The following SEMA5A variants were observed in gnomAD, a reference collection of about 807,000 sequenced individuals.
SEMA5A encodes semaphorin-5A.
A neutral mutation model predicts 135.5 loss-of-function variants in SEMA5A; 55 were observed. The ratio of observed to expected loss-of-function variants is 0.41; its 90% CI spans 0.33 to 0.51. The LOEUF (loss-of-function observed/expected upper bound fraction) is 0.51. SEMA5A is among the 20% of genes least tolerant of loss of function. The probability of loss-of-function intolerance (pLI) is 0.37; values close to 1 mark genes in which losing one functional copy is unlikely to be tolerated. For missense variants in SEMA5A, 1,290 were observed against 1,419.9 expected, an observed-to-expected ratio of 0.91 and a Z score of 1.47; for synonymous variants, 580 against 546.5, an observed-to-expected ratio of 1.06 and a Z score of -0.85.
rs138276066 is a variant in SEMA5A, at chr5:9,063,701, C to T, written c.2300-596G>A. On this transcript the variant is annotated intron_variant, in intron 17 of 22. Transcript: ENST00000382496. ...CACAGCACTGAGTGACATTGGCAAACGTTTCTATGAAGTTTAGAGCACACT... is the reference window on the plus strand; with the variant it reads ...CACAGCACTGAGTGACATTGGCAAATGTTTCTATGAAGTTTAGAGCACACT... Among the ~76,000 whole-genome samples the T allele has an allele frequency of 1.7e-3, 254 of 152,266 alleles. 1 individual carries two copies. The highest frequency in any genetic ancestry group is 5.6e-3 in the African/African-American group (231 of 41,558).
chr5:9,110,363 A>G (rs1452591477), intron 15 of SEMA5A, among the ~76,000 whole-genome samples: 1 of 152,170 alleles, frequency 6.6e-6, no homozygotes. Context: ...TGGGGTCTGC[A>G]TCTCCCCAGA....
At chr5:9,181,617 C>T (rs1744515702) in intron 11 of SEMA5A, among the ~76,000 whole-genome samples, 2 of 152,132 alleles carry the variant, frequency 1.3e-5, no homozygotes, top group Non-Finnish European at 1.5e-5. Context: ...CCTCTCCTTC[C>T]CCTTGGCTTC....
intron 1 of SEMA5A, among the ~76,000 whole-genome samples, chr5:9,532,304 C>A (rs748732110): frequency 6.6e-6 from 1 of 151,802 alleles, no homozygotes; most frequent in African/African-American, 2.4e-5. Flanking sequence ...CTCGCTCTAT[C>A]GCCCAGGCTG....
chr5:9,296,569 T>C (rs1397378531), intron 5 of SEMA5A, among the ~76,000 whole-genome samples: 4 of 152,152 alleles, frequency 2.6e-5, no homozygotes, highest in East Asian at 1.9e-4. Context: ...AATCTTATAA[T>C]GCCAAAATGT....
chr5:9,138,327 G>A (rs1741872664), intron 12 of SEMA5A, among the ~76,000 whole-genome samples: 1 of 152,012 alleles, frequency 6.6e-6, no homozygotes, highest in Admixed American at 6.6e-5. Context: ...ATACATATAA[G>A]CATGCTTGTG....
intron 3 of SEMA5A, among the ~76,000 whole-genome samples, chr5:9,349,995 G>A (rs879278338): frequency 2.0e-5 from 3 of 151,962 alleles, no homozygotes; most frequent in Admixed American, 1.3e-4. Flanking sequence ...CTAAGTCTTC[G>A]AAATCCTTAC....
At chr5:9,527,494 GCTCT>G (rs1561323987) in intron 1 of SEMA5A, among the ~76,000 whole-genome samples, 1 of 151,918 alleles carries the variant, frequency 6.6e-6, no homozygotes, top group Admixed American at 6.5e-5. Flanking sequence ...CTTCCTTCTC[GCTCT>G]CTGTGTGGGT....
At chr5:9,175,801 G>C (rs1560989833) in intron 11 of SEMA5A, among the ~76,000 whole-genome samples, 1 of 152,274 alleles carries the variant, frequency 6.6e-6, no homozygotes, top group South Asian at 2.1e-4. Flanking sequence ...CTAGCTGTTT[G>C]CTCCAAGGAA....
chr5:9,090,994 T>A (rs182330153), intron 16 of SEMA5A, among the ~76,000 whole-genome samples: 8 of 152,306 alleles, frequency 5.3e-5, no homozygotes, highest in South Asian at 2.1e-4. Flanking sequence ...CTGTTGTAAG[T>A]AGTTATGTAG....
At chr5:9,373,384 C>T (rs1272379031) in intron 3 of SEMA5A, among the ~76,000 whole-genome samples, 2 of 152,094 alleles carry the variant, frequency 1.3e-5, no homozygotes, top group Non-Finnish European at 2.9e-5. Flanking sequence ...TGTTAAAACC[C>T]AAGTTCCTTA....
chr5:9,048,625 C>T (rs992589045), intron 21 of SEMA5A, among the ~76,000 whole-genome samples: 3 of 152,160 alleles, frequency 2.0e-5, no homozygotes, highest in Non-Finnish European at 4.4e-5. Flanking sequence ...ACATACCCTT[C>T]TAACAAACAT....
At chr5:9,077,757 T>C (rs1319157780) in intron 16 of SEMA5A, among the ~76,000 whole-genome samples, 1 of 152,148 alleles carries the variant, frequency 6.6e-6, no homozygotes, top group Admixed American at 6.5e-5. Flanking sequence ...AGCCAAAATC[T>C]CTGGGGCTTT....
At chr5:9,143,106 G>A (rs1742154696) in intron 12 of SEMA5A, among the ~76,000 whole-genome samples, 1 of 152,108 alleles carries the variant, frequency 6.6e-6, no homozygotes, top group African/African-American at 2.4e-5. Context: ...TGCAAAACTA[G>A]AACAAAAATA....
intron 3 of SEMA5A, among the ~76,000 whole-genome samples, chr5:9,348,941 A>G (rs1002425426): frequency 2.0e-5 from 3 of 152,242 alleles, no homozygotes; most frequent in Non-Finnish European, 1.5e-5. Context: ...CTTTAAGACA[A>G]TAAATCATTT....
chr5:9,274,699 A>G (rs1053704800), intron 5 of SEMA5A, among the ~76,000 whole-genome samples: 4 of 152,174 alleles, frequency 2.6e-5, no homozygotes, highest in African/African-American at 9.6e-5. Flanking sequence ...ACACAACTAC[A>G]TGGAAAGTGA....
At chr5:9,413,787 C>T (rs1757187606) in intron 2 of SEMA5A, among the ~76,000 whole-genome samples, 1 of 152,146 alleles carries the variant, frequency 6.6e-6, no homozygotes, top group Non-Finnish European at 1.5e-5. Context: ...GCTCCATATG[C>T]TCAACAAAAG....
At chr5:9,214,420 C>T (rs1274823363) in intron 8 of SEMA5A, among the ~76,000 whole-genome samples, 3 of 152,182 alleles carry the variant, frequency 2.0e-5, no homozygotes, top group African/African-American at 7.2e-5. Flanking sequence ...AGTGTGTATT[C>T]ATCAGTATAT....
chr5:9,427,173 T>A lies in SEMA5A; in HGVS notation c.-78+10583A>T, dbSNP rs528903637. Among the ~76,000 whole-genome samples, 15 of 152,060 alleles carry A rather than the reference T, an allele frequency of 9.9e-5. No homozygotes were observed. The East Asian group carries it at 2.9e-3, about 29-fold the overall frequency. On this transcript the variant is annotated intron_variant, in intron 2 of 22. Coordinates refer to ENST00000382496, the MANE Select transcript of SEMA5A (RefSeq NM_003966.3). ...TAAAAATGTAAACATTAGCCAGGCA[T>A]GGTGGCAGGCGCCTGTAATCTCAGC...
intron 22 of SEMA5A, 84 bp downstream of exon 22, chr5:9,044,289 C>A: frequency 8.5e-7 from 1 of 1,172,212 alleles, no homozygotes; most frequent in South Asian, 1.3e-5. Context: ...AGGAAACCAC[C>A]ACAGCAGAGA....
Sources: gnomAD v4.1 joint callset for allele counts (sites outside exome capture counted in the v4.1 genomes callset) on GRCh38, gnomAD v4.1.1 for gene constraint, MANE v1.5 for transcripts, NCBI Gene and HGNC (gene_info 2026-07-23, HGNC 2026-07-21) for gene names.